PCDHGA2: variants seen among roughly 807,000 people sequenced by gnomAD.
PCDHGA2 encodes protocadherin gamma-A2.
Under a neutral mutation model 59.2 loss-of-function variants are expected in PCDHGA2, and 40 were observed. The ratio of observed to expected loss-of-function variants is 0.68; its 90% CI spans 0.52 to 0.88. PCDHGA2 has a LOEUF of 0.88. Ranked by LOEUF, PCDHGA2 falls within the 40% of genes least tolerant of loss-of-function variation. The probability of loss-of-function intolerance (pLI) is 0.00; values close to 1 mark genes in which losing one functional copy is unlikely to be tolerated. For missense variants in PCDHGA2, 1,226 were observed against 1,204.0 expected, an observed-to-expected ratio of 1.02 and a Z score of -0.27; for synonymous variants, 560 against 526.0, an observed-to-expected ratio of 1.06 and a Z score of -0.89.
chr5:141,417,871 C>T (rs1317007566), intron 1 of PCDHGA2: 1 of 1,554,006 alleles, frequency 6.4e-7, no homozygotes, highest in African/African-American at 1.4e-5. Context: ...TGGGAGGGAG[C>T]TGCGCGCAGA....
chr5:141,362,595 T>C, intron 1 of PCDHGA2: 3 of 1,586,430 alleles, frequency 1.9e-6, no homozygotes, highest in Non-Finnish European at 2.6e-6. Flanking sequence ...CTGGTTTTAT[T>C]GTTTCACCTA....
intron 1 of PCDHGA2, chr5:141,382,874 G>A (rs369372304): frequency 1.6e-5 from 24 of 1,523,072 alleles, no homozygotes; most frequent in Non-Finnish European, 1.8e-6. Context: ...CGAGATCGGC[G>A]CCTAAGCAAG....
In PCDHGA2 at chr5:141,490,363, C is replaced by G; in HGVS notation, c.2425-4444C>G. 3 of 1,614,154 alleles carry G rather than the reference C, an allele frequency of 1.9e-6. No homozygotes were observed. Among genetic ancestry groups the G allele is most frequent in the Non-Finnish European group, 2.5e-6 (3 of 1,180,032 alleles). On this transcript the variant is annotated intron_variant, in intron 1 of 3. Transcript: ENST00000394576. This position sits in a 1 kb window ranked among gnomAD's most constrained non-coding sequence, Gnocchi z 5.4. ...CACAGTAGTGGGGTTGTTTAATGTGCGAGACCGGGACTCAGGTAGAAATGG... is the reference window on the plus strand; with the variant it reads ...CACAGTAGTGGGGTTGTTTAATGTGGGAGACCGGGACTCAGGTAGAAATGG...
At chr5:141,405,499 A>C in intron 1 of PCDHGA2, 9 of 782,122 alleles carry the variant, frequency 1.2e-5, no homozygotes, top group Non-Finnish European at 1.8e-5. Context: ...GGCTCATTGC[A>C]ACCTCCGCCT....
chr5:141,474,325 C>A (rs540113771), intron 1 of PCDHGA2, among the ~76,000 whole-genome samples: 1 of 152,256 alleles, frequency 6.6e-6, no homozygotes, highest in Admixed American at 6.5e-5. Context: ...TTTCAAATCA[C>A]CCTGATGTTT....
At chr5:141,415,302 G>A in intron 1 of PCDHGA2, 3 of 1,614,212 alleles carry the variant, frequency 1.9e-6, no homozygotes, top group South Asian at 2.2e-5. Context: ...GCGTCTTCCT[G>A]GCCTTCGTCA....
At chr5:141,364,703 G>T (rs1281129906) in intron 1 of PCDHGA2, 4 of 1,613,812 alleles carry the variant, frequency 2.5e-6, no homozygotes, top group Non-Finnish European at 2.5e-6. Context: ...AGAAATAATC[G>T]ATATTAATGA....
Position 141,490,241 on chromosome 5 carries a change from G to T in PCDHGA2, c.2425-4566G>T. 2 of 1,614,246 alleles carry T rather than the reference G, an allele frequency of 1.2e-6. No individual in the cohort carries two copies. Among genetic ancestry groups the T allele is most frequent in the Non-Finnish European group, 1.7e-6 (2 of 1,180,048 alleles). On this transcript the variant is annotated intron_variant, in intron 1 of 3. Transcript: ENST00000394576. This position sits in a 1 kb window ranked among gnomAD's most constrained non-coding sequence, Gnocchi z 5.4. Reference sequence around the variant, plus strand: ...GGACAGCCTGCCATGGAGGGCCACTGTGTGATTCAAGTGGATGTGGGGGAT... The same window carrying T: ...GGACAGCCTGCCATGGAGGGCCACTTTGTGATTCAAGTGGATGTGGGGGAT...
intron 1 of PCDHGA2, chr5:141,427,690 T>TC (rs1331581287): frequency 2.3e-6 from 2 of 881,240 alleles, no homozygotes; most frequent in Non-Finnish European, 3.7e-6. Context: ...GGAGCCTCCA[T>TC]CCCACAAGTC....
rs779871354 is a variant in PCDHGA2 at position 141,428,131 on chromosome 5, G to A, written c.2425-66676G>A. 8.7e-6 allele frequency: 14 copies of A among 1,602,720 alleles called. No homozygotes were observed. The South Asian group carries it at 1.5e-4, about 18-fold the overall frequency. On this transcript the variant is annotated intron_variant, in intron 1 of 3. Transcript: ENST00000394576. ...CAGGCCATCGAGCCCGGGCTTTTCA[G>A]CCTGGGGCTGCACACGGGAACCTGC...
chr5:141,369,505 GA>G (rs1379316544), intron 1 of PCDHGA2, among the ~76,000 whole-genome samples: 2 of 150,654 alleles, frequency 1.3e-5, no homozygotes, highest in Non-Finnish European at 1.5e-5. Flanking sequence ...CACCTCTATA[GA>G]AAAAAAAAGT....
At chr5:141,362,136 C>G in intron 1 of PCDHGA2, 1 of 1,614,042 alleles carries the variant, frequency 6.2e-7, no homozygotes, top group African/African-American at 1.3e-5. Context: ...TCGCGGATAG[C>G]CTGCAAGAGG....
chr5:141,415,496 T>C, intron 1 of PCDHGA2: 1 of 1,614,070 alleles, frequency 6.2e-7, no homozygotes. Flanking sequence ...CACCTGATCT[T>C]CCCCCAGCCC....
At chr5:141,387,576 G>A in intron 1 of PCDHGA2, 2 of 487,618 alleles carry the variant, frequency 4.1e-6, no homozygotes, top group Non-Finnish European at 7.2e-6. Flanking sequence ...TATAATTATT[G>A]CACTGGTTAA....
At chr5:141,410,022 A>C (rs557770094) in intron 1 of PCDHGA2, 2 of 1,613,094 alleles carry the variant, frequency 1.2e-6, no homozygotes, top group South Asian at 2.2e-5. Context: ...CTGTCCTACC[A>C]CGTGCTGCAG....
At chr5:141,371,584 A>T in intron 1 of PCDHGA2, 2 of 1,613,962 alleles carry the variant, frequency 1.2e-6, no homozygotes, top group Non-Finnish European at 1.7e-6. Flanking sequence ...ATCGTTCAAG[A>T]TACCAAAAAC....
At chr5:141,492,673 C>T (rs2099743035) in intron 1 of PCDHGA2, among the ~76,000 whole-genome samples, 1 of 152,250 alleles carries the variant, frequency 6.6e-6, no homozygotes, top group Non-Finnish European at 1.5e-5. Flanking sequence ...GGGACTCCGT[C>T]TCAAGGGTCG....
chr5:141,415,121 C>T (rs2095831464), intron 1 of PCDHGA2: 1 of 1,613,522 alleles, frequency 6.2e-7, no homozygotes, highest in South Asian at 1.1e-5. Context: ...CTCGTAGTGG[C>T]CGTCCAGGAC....
intron 1 of PCDHGA2, chr5:141,356,513 T>G: frequency 1.2e-6 from 2 of 1,614,030 alleles, no homozygotes; most frequent in South Asian, 2.2e-5. Flanking sequence ...GAAACTCATA[T>G]TTCACTGCAA....
Sources: gnomAD v4.1 joint callset for allele counts (sites outside exome capture counted in the v4.1 genomes callset) on GRCh38, gnomAD v4.1.1 for gene constraint, Gnocchi (gnomAD v3.1) non-coding constraint, MANE v1.5 for transcripts, NCBI Gene and HGNC (gene_info 2026-07-23, HGNC 2026-07-21) for gene names.